The following DNAH2 variants were observed in gnomAD, a reference collection of about 807,000 sequenced individuals.
DNAH2 encodes the protein axonemal beta dynein heavy chain 2.
A neutral mutation model predicts 523.5 loss-of-function variants in DNAH2; 323 were observed. The observed-to-expected ratio is 0.62, with a 90% confidence interval of 0.56 to 0.68. The LOEUF (loss-of-function observed/expected upper bound fraction) is 0.68. DNAH2 is among the 30% of genes least tolerant of loss of function. The probability of loss-of-function intolerance (pLI) is 0.00; values close to 1 mark genes in which losing one functional copy is unlikely to be tolerated. For missense variants in DNAH2, 4,907 were observed against 5,701.5 expected, an observed-to-expected ratio of 0.86 and a Z score of 4.49; for synonymous variants, 2,093 against 2,177.4, an observed-to-expected ratio of 0.96 and a Z score of 1.08.
At position 7,797,524 on chromosome 17, in the gene DNAH2, A is replaced by G. The variant is rs747242094; in HGVS notation, c.8074A>G (p.Ile2692Val). The stretch of plus-strand genomic sequence containing the variant: ...TCTCTGTCCCAGCAAGCGTCCTCCT[A>G]TCTTTGGTGAGCCAGGAGCTGTGAT... ...HHLCPSKRPPIFGDFLKEPKV... is the reference protein window; with the variant it reads ...HHLCPSKRPPVFGDFLKEPKV... Residue 2692 changes from isoleucine to valine, a missense_variant, in exon 52 of 86, where the codon ATC (isoleucine) becomes GTC (valine). Transcript: ENST00000572933. 4 of 1,613,892 alleles carry G rather than the reference A, an allele frequency of 2.5e-6. No individual in the cohort carries two copies. The highest frequency in any genetic ancestry group is 1.6e-4 in the Middle Eastern group (1 of 6,084).
Position 7,757,155 on chromosome 17 carries a change from T to G in DNAH2, c.1969T>G (p.Tyr657Asp), listed in dbSNP as rs755685173. 1.2e-6 allele frequency: 2 copies of G among 1,614,194 alleles called. No homozygotes were observed. The highest frequency in any genetic ancestry group is 1.7e-6 in the Non-Finnish European group (2 of 1,180,016). Residue 657 changes from tyrosine (Y) to aspartate (D), a missense_variant, in exon 13 of 86, where the codon TAC (tyrosine) becomes GAC (aspartate). Around this residue, in one of 3 missense-constraint regions of DNAH2, gnomAD observed 2,806 missense variants for 3,190.8 expected, o/e 0.88. Transcript: ENST00000572933. ...WERLLFETPHYVVNVAERAED... is the reference protein window; with the variant it reads ...WERLLFETPHDVVNVAERAED... ...GCGGCTGCTGTTTGAGACGCCCCAT[T>G]ACGTGGTGAACGTAGCTGAGCGAGC... is the stretch of plus-strand genomic sequence containing the variant.
At chr17:7,725,986 C>T (rs1297181199) in intron 3 of DNAH2, among the ~76,000 whole-genome samples, 3 of 151,880 alleles carry the variant, frequency 2.0e-5, no homozygotes, top group Admixed American at 1.3e-4. Context: ...TTCATATCTT[C>T]TGATTTCCTT....
rs146222206 is a variant in DNAH2 at position 7,733,184 on chromosome 17, C to T, written c.497C>T (p.Pro166Leu). The part of the protein sequence containing the change: ...ATVQFGTVRG[P>L]YIPALLRLLG... ...GTGCAGTTTGGGACGGTGCGGGGCC[C>T]CTATATCCCGGCCCTGCTTCGGCTG... Residue 166 changes from proline (P) to leucine (L), a missense_variant, in exon 5 of 86, where the codon CCC (proline) becomes CTC (leucine). By Grantham distance (98) the Pro-to-Leu change is moderately conservative. Coordinates refer to ENST00000572933, the MANE Select transcript of DNAH2 (RefSeq NM_020877.5). 2 of 1,614,152 alleles carry T rather than the reference C, an allele frequency of 1.2e-6. No homozygotes were observed. Among genetic ancestry groups the T allele is most frequent in the Non-Finnish European group, 1.7e-6 (2 of 1,180,024 alleles).
intron 77 of DNAH2, among the ~76,000 whole-genome samples, chr17:7,827,080 T>C (rs2078040656): frequency 6.6e-6 from 1 of 152,160 alleles, no homozygotes; most frequent in Admixed American, 6.5e-5. Flanking sequence ...AACTTGCTTT[T>C]TTCATTCAAC....
intron 58 of DNAH2, among the ~76,000 whole-genome samples, chr17:7,803,166 G>A (rs995512941): frequency 9.2e-5 from 14 of 152,016 alleles, no homozygotes; most frequent in Admixed American, 2.0e-4. Flanking sequence ...GAGTCAGATC[G>A]CACAGGTGGA....
intron 28 of DNAH2, among the ~76,000 whole-genome samples, chr17:7,773,500 C>G (rs2076371591): frequency 6.6e-6 from 1 of 152,008 alleles, no homozygotes; most frequent in Admixed American, 6.6e-5. Context: ...GTTCCAAGAC[C>G]CCCCAGTAGA....
chr17:7,796,449 A>G lies in DNAH2; in HGVS notation c.7675-15A>G, dbSNP rs747567122. The G allele has an allele frequency of 3.7e-6, 6 of 1,613,244 alleles. No homozygotes were observed. The highest frequency in any genetic ancestry group is 5.1e-6 in the Non-Finnish European group (6 of 1,179,674). The stretch of plus-strand genomic sequence containing the variant: ...GGCCAGCAGCCCTGGAGAGTGAGCC[A>G]GGGTCTGTTTCTAGAAGTCCCAGAT... On this transcript the variant is annotated splice_polypyrimidine_tract_variant and intron_variant, in intron 49 of 85. Coordinates refer to ENST00000572933, the MANE Select transcript of DNAH2 (RefSeq NM_020877.5).
At chr17:7,728,401 T>C (rs2074889766) in intron 4 of DNAH2, among the ~76,000 whole-genome samples, 1 of 152,200 alleles carries the variant, frequency 6.6e-6, no homozygotes, top group Non-Finnish European at 1.5e-5. Context: ...TTGATTGGCA[T>C]GGCCCTGTGA....
intron 63 of DNAH2, among the ~76,000 whole-genome samples, chr17:7,816,223 CTGT>C (rs1329564860): frequency 2.0e-5 from 3 of 152,152 alleles, no homozygotes; most frequent in Non-Finnish European, 4.4e-5. Context: ...CATTTATGTG[CTGT>C]CTGGCCTTCA....
intron 3 of DNAH2, among the ~76,000 whole-genome samples, chr17:7,724,541 C>T (rs1176410636): frequency 6.6e-6 from 1 of 152,012 alleles, no homozygotes; most frequent in Non-Finnish European, 1.5e-5. Flanking sequence ...ATTGCTTGAA[C>T]CCGAGGGCAG....
Position 7,734,499 on chromosome 17 carries a change from A to C in DNAH2, c.769A>C (p.Lys257Gln). 6.2e-7 allele frequency: 1 copy of C among 1,613,892 alleles called. No homozygotes were observed. Among genetic ancestry groups the C allele is most frequent in the Non-Finnish European group, 8.5e-7 (1 of 1,179,972 alleles). ...TSMIHWTRQI[K>Q]EMLSAQETVE... ...CATGATCCACTGGACCCGGCAGATA[A>C]AGGAGATGCTCAGTGCCCAGGAGAC... Residue 257 changes from lysine (K) to glutamine (Q), a missense_variant, in exon 7 of 86, where the codon AAG becomes CAG. Around this residue, in one of 3 missense-constraint regions of DNAH2, gnomAD observed 2,806 missense variants for 3,190.8 expected, o/e 0.88. Transcript: ENST00000572933.
chr17:7,764,840 ATT>A (rs35687021), intron 20 of DNAH2, among the ~76,000 whole-genome samples: 17 of 26,250 alleles, frequency 6.5e-4, no homozygotes, highest in Admixed American at 1.0e-3. Flanking sequence ...CAGCTTTTGG[ATT>A]TTTTTTTTTT....
intron 61 of DNAH2, among the ~76,000 whole-genome samples, chr17:7,806,451 A>G (rs1034000375): frequency 4.6e-5 from 7 of 151,954 alleles, no homozygotes; most frequent in Non-Finnish European, 8.8e-5. Context: ...AGGTCAGGAG[A>G]TCGAGACCAT....
intron 39 of DNAH2, among the ~76,000 whole-genome samples, chr17:7,785,730 G>A (rs1213641671): frequency 6.6e-6 from 1 of 152,194 alleles, no homozygotes; most frequent in Non-Finnish European, 1.5e-5. Context: ...GCAATAGGAC[G>A]AAATCTATTT....
In DNAH2 at chr17:7,831,227, T is replaced by G; in HGVS notation, c.12372T>G (p.Thr4124=). 6.2e-7 allele frequency: 1 copy of G among 1,614,184 alleles called. No individual in the cohort carries two copies. The highest frequency in any genetic ancestry group is 1.1e-5 in the South Asian group (1 of 91,086). Residue 4124 remains threonine, a synonymous_variant, in exon 80 of 86, where the codon ACT becomes ACG. Coordinates refer to ENST00000572933, the MANE Select transcript of DNAH2 (RefSeq NM_020877.5). This position sits in a 1 kb window ranked among gnomAD's most constrained non-coding sequence, Gnocchi z 4.2. ...HPNADVASQI[T]EAQTLFDTLL... ...ATGCTGATGTGGCCTCTCAGATCAC[T>G]GAGGCACAAACCCTCTTTGATACTT...
At chr17:7,749,603 T>A (rs1472480287) in intron 12 of DNAH2, among the ~76,000 whole-genome samples, 1 of 152,174 alleles carries the variant, frequency 6.6e-6, no homozygotes, top group Admixed American at 6.5e-5. Context: ...CTTATCTTAT[T>A]ATGACTCTAT....
In DNAH2 at chr17:7,780,964, C is replaced by T. The variant is rs1317139452; in HGVS notation, c.6004-78C>T. On this transcript the variant is annotated intron_variant, in intron 38 of 85. Coordinates refer to ENST00000572933, the MANE Select transcript of DNAH2 (RefSeq NM_020877.5). The surrounding 1 kb of genome is among the most constrained non-coding windows in gnomAD (Gnocchi z 4.4). ...ACTGGTGTATCCATTGTTCTTGGCA[C>T]GTGCCCCGAAGCCCTTTGGAGGTGA... 2.3e-5 allele frequency: 37 copies of T among 1,605,800 alleles called. No individual in the cohort carries two copies. In the South Asian group the frequency reaches 3.4e-4, roughly 15 times the overall value.
chr17:7,780,531 A>C lies in DNAH2; in HGVS notation c.5851-99A>C, dbSNP rs2076575043. The C allele has an allele frequency of 6.5e-7, 1 of 1,542,328 alleles. No individual in the cohort carries two copies. On this transcript the variant is annotated intron_variant, in intron 37 of 85. Coordinates refer to ENST00000572933, the MANE Select transcript of DNAH2 (RefSeq NM_020877.5). The surrounding 1 kb of genome is among the most constrained non-coding windows in gnomAD (Gnocchi z 4.4). ...CCATAGAGTGCCTCCTAGCTGCTTC[A>C]TGTCCTGGGACCTGGCTTCTTGTCT... is the stretch of plus-strand genomic sequence containing the variant.
At chr17:7,747,914 A>G (rs537913470) in intron 12 of DNAH2, among the ~76,000 whole-genome samples, 1 of 152,326 alleles carries the variant, frequency 6.6e-6, no homozygotes, top group East Asian at 1.9e-4. Flanking sequence ...TACAGCTTCC[A>G]AAACTTATTA....
Sources: allele counts gnomAD v4.1 joint callset (sites outside exome capture counted in the v4.1 genomes callset), GRCh38; gene constraint gnomAD v4.1.1; regional missense constraint gnomAD v4.1.1; non-coding constraint Gnocchi (gnomAD v3.1); transcripts MANE v1.5; gene names NCBI Gene and HGNC (gene_info 2026-07-23, HGNC 2026-07-21).